Variants in URI1 observed in about 807,000 individuals in gnomAD.
URI1 encodes the protein URI1 prefoldin like chaperone, also known as unconventional prefoldin RPB5 interactor 1.
URI1 carries 39 observed loss-of-function variants against 60.2 expected under a neutral mutation model. The ratio of observed to expected loss-of-function variants is 0.65; its 90% CI spans 0.50 to 0.85. The LOEUF is 0.85. Ranked by LOEUF, URI1 falls within the 40% of genes least tolerant of loss-of-function variation. The probability of loss-of-function intolerance (pLI) is 0.00; values close to 1 mark genes in which losing one functional copy is unlikely to be tolerated. For synonymous variants in URI1, 251 were observed against 236.8 expected (o/e 1.06, Z -0.55); for missense variants, 691 against 665.9 (o/e 1.04, Z -0.42).
At chr19:29,968,355 T>C (rs990844124) in intron 1 of URI1, among the ~76,000 whole-genome samples, 1 of 152,078 alleles carries the variant, frequency 6.6e-6, no homozygotes, top group African/African-American at 2.4e-5. Flanking sequence ...TGAAATGTTT[T>C]TGTTTCTTTT....
rs2055988117 is a variant in URI1 at position 30,009,265 on chromosome 19, A to G, written c.947A>G (p.Asp316Gly). ...GACGACGACGACAACATTGACGACG[A>G]TGATGGTGATAACGACCATGAGGCT... ...DDDDDDNIDD[D>G]DGDNDHEALG... Residue 316 changes from aspartate (D) to glycine (G), a missense_variant, in exon 8 of 11, where the codon GAT (aspartate) becomes GGT (glycine). By Grantham distance (94) the Asp-to-Gly change is moderately conservative. Transcript: ENST00000392271. 6.2e-7 allele frequency: 1 copy of G among 1,613,918 alleles called. No homozygotes were observed. Among genetic ancestry groups the G allele is most frequent in the African/African-American group, 1.3e-5 (1 of 74,924 alleles).
intron 4 of URI1, among the ~76,000 whole-genome samples, chr19:30,003,441 T>A (rs911951397): frequency 4.6e-5 from 7 of 152,048 alleles, no homozygotes; most frequent in African/African-American, 1.7e-4. Flanking sequence ...GTATATGCTT[T>A]TGAGATCTGA....
At chr19:29,950,794 T>A (rs1170943279) in intron 1 of URI1, among the ~76,000 whole-genome samples, 1 of 152,250 alleles carries the variant, frequency 6.6e-6, no homozygotes, top group African/African-American at 2.4e-5. Context: ...CAGAGATTAC[T>A]ATGGCATTTG....
intron 2 of URI1, among the ~76,000 whole-genome samples, chr19:29,979,548 C>T (rs929999873): frequency 2.6e-5 from 4 of 152,028 alleles, no homozygotes; most frequent in African/African-American, 9.7e-5. Context: ...TATATATATC[C>T]ATTGCACTGT....
chr19:29,973,400 CT>C (rs1281541810), intron 2 of URI1, among the ~76,000 whole-genome samples: 3 of 152,162 alleles, frequency 2.0e-5, no homozygotes, highest in African/African-American at 7.2e-5. Context: ...TTAATTCCTA[CT>C]TAACCCTTGG....
chr19:29,949,954 G>C (rs546123160), intron 1 of URI1, among the ~76,000 whole-genome samples: 51 of 150,458 alleles, frequency 3.4e-4, no homozygotes, highest in Non-Finnish European at 6.5e-4. Context: ...GGGAGGGAGA[G>C]GTTACTTATT....
In URI1 at chr19:29,971,137, T is replaced by A; in HGVS notation, c.118-56T>A. On this transcript the variant is annotated intron_variant, in intron 1 of 10. Transcript: ENST00000392271. ...TCTAGTTTTCAGATACACTGATTTT[T>A]GTAGCTCTGTGCATAGCTCTGTTTT... is the stretch of plus-strand genomic sequence containing the variant. 3.2e-6 allele frequency: 5 copies of A among 1,554,534 alleles called. No homozygotes were observed. In the South Asian group the frequency reaches 4.5e-5, roughly 14 times the overall value.
chr19:29,964,427 G>A (rs369049764), intron 1 of URI1, among the ~76,000 whole-genome samples: 1 of 151,244 alleles, frequency 6.6e-6, no homozygotes, highest in East Asian at 1.9e-4. Context: ...CAGTCTCACT[G>A]ACAGTGGTGG....
intron 2 of URI1, among the ~76,000 whole-genome samples, chr19:29,972,218 TCTAAAA>T (rs1038896562): frequency 9.1e-4 from 137 of 151,220 alleles, no homozygotes; most frequent in African/African-American, 3.2e-3. Flanking sequence ...CAGAAAATAA[TCTAAAA>T]CTAATAATAT....
Position 29,942,253 on chromosome 19 carries a change from G to C in URI1, c.-295G>C. On this transcript the variant is annotated 5_prime_UTR_variant, in exon 1 of 11. Transcript: ENST00000392271. ...AGAGGCGGGGCGTGTGGGGAGGCGC[G>C]GCCGCCACGCGACGCCTGGCTGGGC... 1 of 984,658 alleles carries C rather than the reference G, an allele frequency of 1.0e-6. No homozygotes were observed. The highest frequency in any genetic ancestry group is 1.2e-6 in the Non-Finnish European group (1 of 829,632). The allele number at this position is 984,658 out of a possible 1,614,324, so 61.0% of individuals were successfully genotyped here. A position where few individuals can be genotyped will look rare whatever the true frequency, so the allele number is the denominator to read the frequency against.
chr19:29,962,923 T>C (rs1296082733), intron 1 of URI1, among the ~76,000 whole-genome samples: 4 of 152,204 alleles, frequency 2.6e-5, no homozygotes, highest in African/African-American at 9.7e-5. Context: ...TTCAAGATAC[T>C]CTGTTATCTT....
chr19:29,952,790 T>A (rs1393270732), intron 1 of URI1, among the ~76,000 whole-genome samples: 1 of 152,236 alleles, frequency 6.6e-6, no homozygotes, highest in Non-Finnish European at 1.5e-5. Context: ...CACTGTTAGG[T>A]AACCATCACT....
chr19:29,944,166 T>G lies in URI1; in HGVS notation c.117+1502T>G, dbSNP rs1398260934. On this transcript the variant is annotated intron_variant, in intron 1 of 10. Coordinates refer to ENST00000392271, the MANE Select transcript of URI1 (RefSeq NM_003796.3). Reference sequence around the variant, plus strand: ...ATATATATATATATATATATATATATATATATATATATATATATATATATA... The same window carrying G: ...ATATATATATATATATATATATATAGATATATATATATATATATATATATA... Among the ~76,000 whole-genome samples the G allele has an allele frequency of 3.8e-4, 28 of 72,936 alleles. 1 individual carries two copies. The highest frequency in any genetic ancestry group is 1.6e-3 in the Admixed American group (10 of 6,424). 47.8% of individuals were successfully genotyped at this position (72,936 alleles called of 152,430 possible).
chr19:29,966,998 G>A (rs937150500), intron 1 of URI1, among the ~76,000 whole-genome samples: 3 of 152,174 alleles, frequency 2.0e-5, no homozygotes, highest in African/African-American at 4.8e-5. Flanking sequence ...TCTAGTTTTA[G>A]TGTGGCATTG....
At position 30,011,244 on chromosome 19, in the gene URI1, G is replaced by GC; in HGVS notation, c.1178+9dup. The GC allele has an allele frequency of 6.3e-7, 1 of 1,595,516 alleles. No homozygotes were observed. Among genetic ancestry groups the GC allele is most frequent in the South Asian group, 1.1e-5 (1 of 87,136 alleles). ...GCCTGCAGACATTTACAGGTGGGAG[G>GC]CGCTCACAGCTGCAGGGCAGTCTGC... On this transcript the variant is annotated intron_variant, in intron 9 of 10. Coordinates refer to ENST00000392271, the MANE Select transcript of URI1 (RefSeq NM_003796.3).
chr19:30,002,908 AATTAG>A (rs1462614757), intron 4 of URI1, among the ~76,000 whole-genome samples: 1 of 151,920 alleles, frequency 6.6e-6, no homozygotes, highest in Admixed American at 6.6e-5. Context: ...AATTTTGCTT[AATTAG>A]ATTTCAACTT....
intron 4 of URI1, among the ~76,000 whole-genome samples, chr19:29,988,298 A>G (rs989089557): frequency 7.2e-5 from 11 of 152,178 alleles, no homozygotes; most frequent in Non-Finnish European, 1.5e-4. Flanking sequence ...TTCTTAAGGC[A>G]GAGGAAATAT....
upstream of URI1, among the ~76,000 whole-genome samples, chr19:29,938,874 C>T (rs2054996499): frequency 6.6e-6 from 1 of 151,514 alleles, no homozygotes; most frequent in Non-Finnish European, 1.5e-5. Context: ...GATGGGGTTT[C>T]ACCATGTTAG....
chr19:29,944,183 ATATATATAT>A (rs2055073472), intron 1 of URI1, among the ~76,000 whole-genome samples: 1 of 101,596 alleles, frequency 9.8e-6, no homozygotes, highest in Non-Finnish European at 2.0e-5. Flanking sequence ...ATATATATAT[ATATATATAT>A]AAAACTTAAC....
Sources: gnomAD v4.1 joint callset for allele counts (sites outside exome capture counted in the v4.1 genomes callset) on GRCh38, gnomAD v4.1.1 for gene constraint, MANE v1.5 for transcripts, NCBI Gene and HGNC (gene_info 2026-07-23, HGNC 2026-07-21) for gene names.